BCL11A: variants seen among roughly 807,000 people sequenced by gnomAD.
The protein encoded by BCL11A is BCL11 transcription factor A, also known as B cell CLL/lymphoma 11A.
In BCL11A, 2 loss-of-function variants were observed where a neutral mutation model predicts 55.9. The ratio of observed to expected loss-of-function variants is 0.04; its 90% CI spans 0.01 to 0.11. The LOEUF is 0.11. BCL11A is among the 10% of genes least tolerant of loss of function. The probability of loss-of-function intolerance (pLI) is 1.00; values close to 1 mark genes in which losing one functional copy is unlikely to be tolerated. For missense variants in BCL11A, 817 were observed against 1,137.1 expected, an observed-to-expected ratio of 0.72 and a Z score of 4.05; for synonymous variants, 465 against 473.4, an observed-to-expected ratio of 0.98 and a Z score of 0.23.
chr2:60,478,755 T>G (rs1306912239), intron 2 of BCL11A, among the ~76,000 whole-genome samples: 1 of 152,226 alleles, frequency 6.6e-6, no homozygotes. Context: ...GAAGGAGCGC[T>G]CTGGTGCTGC....
At chr2:60,530,332 T>TAAAA (rs10699821) in intron 2 of BCL11A, among the ~76,000 whole-genome samples, 192 of 129,908 alleles carry the variant, frequency 1.5e-3, no homozygotes, top group Non-Finnish European at 2.4e-3. Context: ...TTCAGCCATT[T>TAAAA]AAAAAAAAAA....
At chr2:60,530,132 G>A (rs745474303) in intron 2 of BCL11A, among the ~76,000 whole-genome samples, 14 of 151,922 alleles carry the variant, frequency 9.2e-5, no homozygotes, top group Non-Finnish European at 1.3e-4. Context: ...TAAGAAAATC[G>A]AGAACAAAAC....
intron 3 of BCL11A, among the ~76,000 whole-genome samples, chr2:60,466,489 G>C (rs1230543132): frequency 6.6e-6 from 1 of 152,036 alleles, no homozygotes; most frequent in Non-Finnish European, 1.5e-5. Flanking sequence ...GCCCAGCTTG[G>C]GGGAAGGGAG....
chr2:60,542,060 T>C, intron 2 of BCL11A: 2 of 575,180 alleles, frequency 3.5e-6, no homozygotes, highest in Non-Finnish European at 6.2e-6. Context: ...TCTCCCTTCT[T>C]TAGAGTATCT....
At chr2:60,504,151 A>G (rs1420046552) in intron 2 of BCL11A, among the ~76,000 whole-genome samples, 1 of 152,044 alleles carries the variant, frequency 6.6e-6, no homozygotes, top group Non-Finnish European at 1.5e-5. Flanking sequence ...GCCTGGCAGG[A>G]CTCCCCAAAC....
downstream of BCL11A, chr2:60,452,712 G>C: frequency 6.9e-7 from 1 of 1,439,828 alleles, no homozygotes; most frequent in Non-Finnish European, 9.8e-7. Flanking sequence ...AAAAGTACAG[G>C]TGTGACTTGG....
chr2:60,538,800 G>T (rs1230461167), intron 2 of BCL11A, among the ~76,000 whole-genome samples: 1 of 150,290 alleles, frequency 6.7e-6, no homozygotes, highest in Non-Finnish European at 1.5e-5. Context: ...GGAAAGAGGG[G>T]TGTTGCAAAT....
chr2:60,465,402 T>C (rs1352796350), intron 3 of BCL11A, among the ~76,000 whole-genome samples: 1 of 152,204 alleles, frequency 6.6e-6, no homozygotes, highest in Admixed American at 6.5e-5. Context: ...CGGGGATTGT[T>C]TTGATTTAGA....
intron 2 of BCL11A, among the ~76,000 whole-genome samples, chr2:60,500,599 G>A (rs1327368184): frequency 6.6e-6 from 1 of 152,186 alleles, no homozygotes; most frequent in African/African-American, 2.4e-5. Context: ...AACTCCTCAG[G>A]ACAGGGTTCA....
At chr2:60,505,857 G>T (rs1679560570) in intron 2 of BCL11A, among the ~76,000 whole-genome samples, 1 of 152,326 alleles carries the variant, frequency 6.6e-6, no homozygotes, top group East Asian at 1.9e-4. Flanking sequence ...GAGGGAGGGG[G>T]AAATCCCTCC....
intron 3 of BCL11A, among the ~76,000 whole-genome samples, chr2:60,467,888 GTAGTGA>G (rs1676907555): frequency 8.9e-6 from 1 of 112,730 alleles, no homozygotes; most frequent in Non-Finnish European, 2.0e-5. Context: ...GGTGGTGGTG[GTAGTGA>G]TGGTGGTGGT....
Position 60,462,371 on chromosome 2 carries a change from T to C in BCL11A, c.541A>G (p.Ser181Gly), listed in dbSNP as rs1676367523. Residue 181 changes from serine (S) to glycine (G), a missense_variant, in exon 4 of 4, where the codon AGT becomes GGT. Transcript: ENST00000642384. ...GCGTGTTGCAAGAGAAACCATGCAC[T>C]GGTGAATGGCTGTTTGCAAGTTGTA... ...TCTTCKQPFT[S>G]AWFLLQHAQN... 6.2e-7 allele frequency: 1 copy of C among 1,613,322 alleles called. No homozygotes were observed. The highest frequency in any genetic ancestry group is 8.5e-7 in the Non-Finnish European group (1 of 1,179,630).
In BCL11A at chr2:60,458,797, T is replaced by C; in HGVS notation, c.*1607A>G. 9.7e-7 allele frequency: 1 copy of C among 1,031,188 alleles called. No individual in the cohort carries two copies. The highest frequency in any genetic ancestry group is 4.6e-5 in the South Asian group (1 of 21,640). The allele number at this position is 1,031,188 out of a possible 1,614,324, so 63.9% of individuals were successfully genotyped here. The stretch of plus-strand genomic sequence containing the variant: ...TCTGATTAGAGAAAAGATACAGATA[T>C]CACAGGCAGAGTCAAGTGCTATTTG... On this transcript the variant is annotated 3_prime_UTR_variant, in exon 4 of 4. Coordinates refer to ENST00000642384, the MANE Select transcript of BCL11A (RefSeq NM_022893.4).
Position 60,460,848 on chromosome 2 carries a change from C to T in BCL11A, c.2064G>A (p.Ser688=), listed in dbSNP as rs749754790. 1 of 1,612,946 alleles carries T rather than the reference C, an allele frequency of 6.2e-7. No homozygotes were observed. The highest frequency in any genetic ancestry group is 1.1e-5 in the South Asian group (1 of 91,084). The change falls in exon 4 of 4, where the codon TCG becomes TCA. Residue 688 remains serine, a synonymous_variant. Transcript: ENST00000642384. The part of the protein sequence containing the change: ...DSRQSPFASS[S]EHSSENGSLR... ...AACTCCCGTTCTCCGAGGAGTGCTCCGACGAGGAGGCAAAAGGCGATTGTC... is the reference window on the plus strand; with the variant it reads ...AACTCCCGTTCTCCGAGGAGTGCTCTGACGAGGAGGCAAAAGGCGATTGTC...
At chr2:60,545,925 T>A in intron 2 of BCL11A, 46 bp downstream of exon 2, 1 of 1,557,430 alleles carries the variant, frequency 6.4e-7, no homozygotes, top group Non-Finnish European at 8.8e-7. Flanking sequence ...CCTCTGAAAA[T>A]GAAAAGAAAA....
chr2:60,453,272 C>CT (rs1558605236), downstream of BCL11A, among the ~76,000 whole-genome samples: 2 of 152,118 alleles, frequency 1.3e-5, no homozygotes, highest in Admixed American at 6.5e-5. Flanking sequence ...GTTTTCTTTT[C>CT]TTTTTTGGAA....
At chr2:60,532,750 T>G (rs1669515245) in intron 2 of BCL11A, 1 of 152,216 alleles carries the variant, frequency 6.6e-6, no homozygotes, top group African/African-American at 2.4e-5. Context: ...CGAAAAACAG[T>G]ACAATTTTTT....
chr2:60,462,052 A>T lies in BCL11A; in HGVS notation c.860T>A (p.Met287Lys). The part of the protein sequence containing the change: ...HRIERLGAEE[M>K]ALATHHPSAF... ...ACTCGGGTGATGGGTGGCCAGGGCC[A>T]TCTCTTCCGCCCCCAGGCGCTCTAT... Residue 287 changes from methionine to lysine, a missense_variant, in exon 4 of 4, where the codon ATG becomes AAG. This residue lies in a region of BCL11A where 363 missense variants were observed against 486.6 expected (regional missense o/e 0.75). Coordinates refer to ENST00000642384, the MANE Select transcript of BCL11A (RefSeq NM_022893.4). 6.2e-7 allele frequency: 1 copy of T among 1,601,570 alleles called. No homozygotes were observed. Among genetic ancestry groups the T allele is most frequent in the Non-Finnish European group, 8.5e-7 (1 of 1,174,254 alleles).
At chr2:60,475,466 A>G (rs1298341934) in intron 2 of BCL11A, among the ~76,000 whole-genome samples, 2 of 152,352 alleles carry the variant, frequency 1.3e-5, no homozygotes, top group African/African-American at 4.8e-5. Flanking sequence ...CTTCCTTGCA[A>G]TACTGCCTCC....
Sources: allele counts gnomAD v4.1 joint callset (sites outside exome capture counted in the v4.1 genomes callset), GRCh38; gene constraint gnomAD v4.1.1; regional missense constraint gnomAD v4.1.1; transcripts MANE v1.5; gene names NCBI Gene and HGNC (gene_info 2026-07-23, HGNC 2026-07-21).